The following BNC2 variants were observed in gnomAD, a reference collection of about 807,000 sequenced individuals.
BNC2 encodes the protein basonuclin zinc finger protein 2, also known as zinc finger protein basonuclin-2.
In BNC2, 20 loss-of-function variants were observed where a neutral mutation model predicts 76.3. The ratio of observed to expected loss-of-function variants is 0.26; its 90% confidence interval spans 0.18 to 0.38. BNC2 has a LOEUF of 0.38. Ranked by LOEUF, BNC2 falls within the 10% of genes least tolerant of loss-of-function variation. The pLI, the probability that BNC2 is intolerant of heterozygous loss-of-function variation, is 1.00. For missense variants in BNC2, 1,382 were observed against 1,399.8 expected (o/e 0.99, Z 0.20); for synonymous variants, 582 against 514.8 (o/e 1.13, Z -1.77).
chr9:16,435,971 A>C lies in BNC2; in HGVS notation c.2223T>G (p.Asp741Glu), dbSNP rs1245740622. ...CACTCACTTCGCTGTGAATGTGCTC[A>C]TCCCCTTCCATGGATTCCTCGCCCA... ...PKLGEESMEG[D>E]EHIHSEVSEK... is the part of the protein sequence containing the mutation. Residue 741 changes from aspartate (D) to glutamate (E), a missense_variant, in exon 6 of 7, where the codon GAT (aspartate) becomes GAG (glutamate). Coordinates refer to ENST00000380672, the MANE Select transcript of BNC2 (RefSeq NM_017637.6). 2.5e-6 allele frequency: 4 copies of C among 1,614,026 alleles called. No homozygotes were observed. In the Admixed American group the frequency reaches 5.0e-5, roughly 20 times the overall value.
At chr9:16,702,168 T>C (rs983396668) in intron 3 of BNC2, among the ~76,000 whole-genome samples, 4 of 152,192 alleles carry the variant, frequency 2.6e-5, no homozygotes, top group Non-Finnish European at 5.9e-5. Flanking sequence ...GCTGCTGTTT[T>C]GTTTAATTCT....
chr9:16,674,826 C>T (rs1822589197), intron 3 of BNC2, among the ~76,000 whole-genome samples: 1 of 152,180 alleles, frequency 6.6e-6, no homozygotes, highest in Non-Finnish European at 1.5e-5. Context: ...TCTCCACTGG[C>T]ACTCAATGAA....
intron 1 of BNC2, among the ~76,000 whole-genome samples, chr9:16,804,656 G>A (rs557741097): frequency 2.0e-5 from 3 of 152,150 alleles, no homozygotes; most frequent in African/African-American, 7.2e-5. Flanking sequence ...AGTATGATAC[G>A]CACAGAATGA....
chr9:16,420,815 A>G (rs1218402953), intron 6 of BNC2, among the ~76,000 whole-genome samples: 1 of 152,146 alleles, frequency 6.6e-6, no homozygotes, highest in African/African-American at 2.4e-5. Flanking sequence ...TTGTATTTAT[A>G]TCCCCCATTA....
intron 5 of BNC2, among the ~76,000 whole-genome samples, chr9:16,454,206 G>A (rs1821399190): frequency 1.3e-5 from 2 of 152,046 alleles, no homozygotes; most frequent in African/African-American, 4.8e-5. Context: ...ATCCCTTACA[G>A]TATAACCAGC....
Position 16,684,696 on chromosome 9 carries a change from G to A in BNC2, c.330+43101C>T, listed in dbSNP as rs547648588. Among the ~76,000 whole-genome samples, 5 of 152,162 alleles carry A rather than the reference G, an allele frequency of 3.3e-5. No individual in the cohort carries two copies. The East Asian group carries it at 9.7e-4, about 29-fold the overall frequency. On this transcript the variant is annotated intron_variant, in intron 3 of 6. Transcript: ENST00000380672. Reference sequence around the variant, plus strand: ...AAAAAAAAAGTATGAGTTTCCTCATGCTAGGGAGTGCTACCCATGTTGAAA... The same window carrying A: ...AAAAAAAAAGTATGAGTTTCCTCATACTAGGGAGTGCTACCCATGTTGAAA...
intron 5 of BNC2, among the ~76,000 whole-genome samples, chr9:16,438,506 T>G (rs1821064175): frequency 6.6e-6 from 1 of 152,144 alleles, no homozygotes; most frequent in African/African-American, 2.4e-5. Context: ...GAGGTAGGAC[T>G]TTAAAATCCT....
chr9:16,485,115 C>A (rs1030175818), intron 5 of BNC2, among the ~76,000 whole-genome samples: 1 of 145,742 alleles, frequency 6.9e-6, no homozygotes, highest in Non-Finnish European at 1.5e-5. Context: ...CACACAGACA[C>A]ACACACACAC....
At chr9:16,676,568 T>C (rs1422127885) in intron 3 of BNC2, among the ~76,000 whole-genome samples, 1 of 152,214 alleles carries the variant, frequency 6.6e-6, no homozygotes, top group Non-Finnish European at 1.5e-5. Context: ...CTCACAGAAA[T>C]ATTGGTATTG....
intron 1 of BNC2, among the ~76,000 whole-genome samples, chr9:16,793,355 C>G (rs1817562925): frequency 6.6e-6 from 1 of 152,140 alleles, no homozygotes; most frequent in Non-Finnish European, 1.5e-5. Context: ...AAACCAAACA[C>G]GAATGTATTT....
intron 1 of BNC2, among the ~76,000 whole-genome samples, chr9:16,752,277 A>C (rs1273028189): frequency 1.3e-5 from 2 of 152,238 alleles, no homozygotes; most frequent in Admixed American, 1.3e-4. Context: ...ATTAAAGGCT[A>C]CAATATTTGC....
chr9:16,656,228 G>A (rs1457965336), intron 3 of BNC2, among the ~76,000 whole-genome samples: 1 of 152,128 alleles, frequency 6.6e-6, no homozygotes, highest in African/African-American at 2.4e-5. Flanking sequence ...AAGAGAATGT[G>A]CTTAATTCTA....
chr9:16,732,162 A>AAAATAAAAAAAAAAG (rs1824523671), intron 2 of BNC2, among the ~76,000 whole-genome samples: 1 of 123,588 alleles, frequency 8.1e-6, no homozygotes, highest in Non-Finnish European at 1.7e-5. Flanking sequence ...TCCTGCAAAA[A>AAAATAAAAAAAAAAG]AAAAAGAAAA....
chr9:16,560,640 A>T (rs7857751), intron 4 of BNC2, among the ~76,000 whole-genome samples: 12,400 of 152,232 alleles, frequency 0.081, 1,086 homozygotes, highest in African/African-American at 0.21. Context: ...AGACAGGAGG[A>T]TCACTTGAGC....
At chr9:16,431,187 T>C (rs1018206118) in intron 6 of BNC2, among the ~76,000 whole-genome samples, 4 of 152,198 alleles carry the variant, frequency 2.6e-5, no homozygotes, top group Non-Finnish European at 5.9e-5. Flanking sequence ...CTGCCAATCA[T>C]TAAGACAAAT....
intron 2 of BNC2, among the ~76,000 whole-genome samples, chr9:16,732,157 C>CA (rs143619331): frequency 8.2e-4 from 36 of 43,910 alleles, no homozygotes; most frequent in African/African-American, 3.2e-3. Context: ...CCATTTCCTG[C>CA]AAAAAAAAAA....
chr9:16,551,174 C>A (rs183180322), intron 5 of BNC2, among the ~76,000 whole-genome samples: 2 of 152,286 alleles, frequency 1.3e-5, no homozygotes, highest in South Asian at 2.1e-4. Flanking sequence ...ACTATTATCA[C>A]CATCATCTCA....
In BNC2 at chr9:16,419,403, C is replaced by G. The variant is rs1464340354; in HGVS notation, c.2886G>C (p.Leu962Phe). 12 of 1,600,994 alleles carry G rather than the reference C, an allele frequency of 7.5e-6. No homozygotes were observed. The highest frequency in any genetic ancestry group is 1.0e-5 in the Non-Finnish European group (12 of 1,172,950). The change falls in exon 7 of 7, where the codon TTG (leucine) becomes TTC (phenylalanine). Residue 962 changes from leucine (L) to phenylalanine (F), a missense_variant. Around this residue, in one of 3 missense-constraint regions of BNC2, gnomAD observed 798 missense variants for 775.5 expected, o/e 1.03. Coordinates refer to ENST00000380672, the MANE Select transcript of BNC2 (RefSeq NM_017637.6). ...GMAEDYMVLD[L>F]STTSSLQSSS... ...TGGACTGGAGGCTGGAGGTGGTGCTCAAGTCAAGGACCATGTAGTCCTCTG... is the reference window on the plus strand; with the variant it reads ...TGGACTGGAGGCTGGAGGTGGTGCTGAAGTCAAGGACCATGTAGTCCTCTG...
intron 1 of BNC2, among the ~76,000 whole-genome samples, chr9:16,750,790 A>G (rs527383096): frequency 6.6e-6 from 1 of 152,374 alleles, no homozygotes; most frequent in East Asian, 1.9e-4. Flanking sequence ...TCACCACTAT[A>G]TTCCTACCAT....
Sources: gnomAD v4.1 joint callset for allele counts (sites outside exome capture counted in the v4.1 genomes callset) on GRCh38, gnomAD v4.1.1 for gene constraint, gnomAD v4.1.1 regional missense constraint, MANE v1.5 for transcripts, NCBI Gene and HGNC (gene_info 2026-07-23, HGNC 2026-07-21) for gene names.